CNKSR2: variants seen among roughly 807,000 people sequenced by gnomAD.
CNKSR2 encodes the protein connector enhancer of kinase suppressor of Ras 2.
CNKSR2 carries 14 observed loss-of-function variants against 84.4 expected under a neutral mutation model. That is an observed-to-expected ratio of 0.17 (90% CI 0.11 to 0.26). The LOEUF (loss-of-function observed/expected upper bound fraction) is 0.26. Among genes scored for constraint, CNKSR2 ranks in the 10% least tolerant of loss-of-function variants. CNKSR2 has a pLI of 1.00. For synonymous variants in CNKSR2, 275 were observed against 277.9 expected, an observed-to-expected ratio of 0.99 and a Z score of 0.10; for missense variants, 485 against 771.2, an observed-to-expected ratio of 0.63 and a Z score of 4.40.
chrX:21,586,100 C>T (rs2092386119), intron 13 of CNKSR2, among the ~76,000 whole-genome samples: 1 of 110,854 alleles, frequency 9.0e-6, no homozygotes, highest in Non-Finnish European at 1.9e-5. Flanking sequence ...ATAATTGGGA[C>T]CTAAAGCCAC....
intron 13 of CNKSR2, among the ~76,000 whole-genome samples, chrX:21,589,132 TACAC>T (rs1412973556): frequency 8.9e-6 from 1 of 111,932 alleles, no homozygotes; most frequent in Non-Finnish European, 1.9e-5. Context: ...TGTATGTGTG[TACAC>T]ACACACACAT....
intron 20 of CNKSR2, among the ~76,000 whole-genome samples, chrX:21,610,165 A>G (rs974929082): frequency 8.9e-6 from 1 of 112,505 alleles, no homozygotes; most frequent in Admixed American, 9.4e-5. Flanking sequence ...CATTTCTTTC[A>G]ACTCCAAATA....
At chrX:21,569,210 GTTATTA>G (rs751091035) in intron 13 of CNKSR2, among the ~76,000 whole-genome samples, 4 of 110,278 alleles carry the variant, frequency 3.6e-5, no homozygotes, top group Non-Finnish European at 5.7e-5. Flanking sequence ...CCTTCAGCAA[GTTATTA>G]TTATTATTAT....
chrX:21,651,525 C>T (rs1355198415), intron 21 of CNKSR2, among the ~76,000 whole-genome samples: 4 of 111,761 alleles, frequency 3.6e-5, no homozygotes, highest in South Asian at 3.8e-4. Flanking sequence ...CCAACTCTGG[C>T]TGGCCCAGAG....
chrX:21,520,728 C>T (rs2091774919), intron 9 of CNKSR2, among the ~76,000 whole-genome samples: 1 of 106,696 alleles, frequency 9.4e-6, no homozygotes, highest in Admixed American at 1.0e-4. Flanking sequence ...CAGAAATGAT[C>T]ACTAAAATCA....
intron 1 of CNKSR2, among the ~76,000 whole-genome samples, chrX:21,388,101 G>A (rs1312016518): frequency 1.8e-5 from 2 of 110,903 alleles, no homozygotes; most frequent in African/African-American, 3.3e-5. Context: ...AGGTTTCACT[G>A]TGTTAGCCAG....
At chrX:21,649,186 A>G (rs2092714783) in intron 21 of CNKSR2, among the ~76,000 whole-genome samples, 159 bp downstream of exon 21, 1 of 111,517 alleles carries the variant, frequency 9.0e-6, no homozygotes, top group Non-Finnish European at 1.9e-5. Context: ...CATAATAACT[A>G]TATTGGTAAA....
chrX:21,600,112 C>A (rs188327607), intron 17 of CNKSR2, among the ~76,000 whole-genome samples: 3 of 111,940 alleles, frequency 2.7e-5, no homozygotes, highest in African/African-American at 9.7e-5. Flanking sequence ...CCTATTCTTA[C>A]AATTAAAGCT....
At chrX:21,509,215 A>G (rs2091645532) in intron 8 of CNKSR2, among the ~76,000 whole-genome samples, 1 of 112,163 alleles carries the variant, frequency 8.9e-6, no homozygotes, top group African/African-American at 3.2e-5. Context: ...ACATGGTCTA[A>G]GTTTTACTTT....
At chrX:21,405,089 C>G (rs768459587) in intron 1 of CNKSR2, among the ~76,000 whole-genome samples, 60 of 111,019 alleles carry the variant, frequency 5.4e-4, no homozygotes, top group Non-Finnish European at 9.4e-4. Flanking sequence ...TGGCAAGTTT[C>G]CTCACCCCCA....
At chrX:21,585,482 C>G (rs1337787889) in intron 13 of CNKSR2, among the ~76,000 whole-genome samples, 3 of 108,226 alleles carry the variant, frequency 2.8e-5, no homozygotes, top group Admixed American at 2.0e-4. Flanking sequence ...GTAAAACTTG[C>G]TGATGGATTG....
chrX:21,490,390 A>G (rs1344459851), intron 5 of CNKSR2, 69 bp from the exon 6 acceptor site: 3 of 1,034,950 alleles, frequency 2.9e-6, no homozygotes, highest in African/African-American at 1.9e-5. Context: ...AAACGTTATT[A>G]CAAAAGGTGA....
At chrX:21,626,243 G>GA (rs2092622855) in intron 20 of CNKSR2, among the ~76,000 whole-genome samples, 1 of 63,947 alleles carries the variant, frequency 1.6e-5, no homozygotes, top group African/African-American at 1.1e-4. Context: ...ATTCTAGGTG[G>GA]TAAAAAAAAA....
At chrX:21,488,801 A>G (rs2091412947) in intron 5 of CNKSR2, among the ~76,000 whole-genome samples, 1 of 111,247 alleles carries the variant, frequency 9.0e-6, no homozygotes, top group Non-Finnish European at 1.9e-5. Flanking sequence ...AGCTGGGAAC[A>G]ATGTCAGTCA....
chrX:21,469,837 A>C (rs993925573), intron 4 of CNKSR2, among the ~76,000 whole-genome samples: 2 of 109,601 alleles, frequency 1.8e-5, no homozygotes, highest in Admixed American at 1.9e-4. Flanking sequence ...ACTTGAACCC[A>C]GGGGGTGGAG....
intron 18 of CNKSR2, among the ~76,000 whole-genome samples, chrX:21,603,103 A>G (rs889516593): frequency 2.7e-5 from 3 of 112,410 alleles, no homozygotes; most frequent in African/African-American, 9.7e-5. Context: ...GGTTCCAAAA[A>G]GTATTTAGTC....
At chrX:21,387,620 T>C (rs1210721799) in intron 1 of CNKSR2, among the ~76,000 whole-genome samples, 1 of 112,087 alleles carries the variant, frequency 8.9e-6, no homozygotes, top group Admixed American at 9.4e-5. Flanking sequence ...TCAAACACTT[T>C]TTTTTCTTCA....
intron 1 of CNKSR2, among the ~76,000 whole-genome samples, chrX:21,406,780 CATG>C: frequency 9.0e-6 from 1 of 111,587 alleles, no homozygotes; most frequent in African/African-American, 3.2e-5. Flanking sequence ...TTGTAGAAAT[CATG>C]ATTTGAAATA....
chrX:21,629,823 C>G (rs1026635996), intron 20 of CNKSR2, among the ~76,000 whole-genome samples: 1 of 112,111 alleles, frequency 8.9e-6, no homozygotes, highest in Non-Finnish European at 1.9e-5. Context: ...TTTATATTAA[C>G]AGTATTTATG....
Sources: allele counts gnomAD v4.1 joint callset (sites outside exome capture counted in the v4.1 genomes callset), GRCh38; gene constraint gnomAD v4.1.1; transcripts MANE v1.5; gene names NCBI Gene and HGNC (gene_info 2026-07-23, HGNC 2026-07-21).